NOL4: variants seen among roughly 807,000 people sequenced by gnomAD.
The protein encoded by NOL4 is nucleolar protein 4.
In NOL4, 17 loss-of-function variants were observed where a neutral mutation model predicts 75.9. The observed-to-expected ratio is 0.22, with a 90% CI of 0.15 to 0.34. NOL4 has a LOEUF of 0.34. Ranked by LOEUF, NOL4 falls within the 10% of genes least tolerant of loss-of-function variation. NOL4 has a pLI of 1.00. For synonymous variants in NOL4, 292 were observed against 289.9 expected (o/e 1.01, Z -0.07); for missense variants, 614 against 793.5 (o/e 0.77, Z 2.72).
intron 1 of NOL4, among the ~76,000 whole-genome samples, chr18:34,147,100 C>T (rs556965278): frequency 9.9e-5 from 15 of 151,798 alleles, no homozygotes; most frequent in African/African-American, 2.4e-4. Context: ...GTTGCTTATG[C>T]GCTTAAGGAG....
chr18:34,144,618 A>C (rs143695958), intron 1 of NOL4, among the ~76,000 whole-genome samples: 394 of 152,242 alleles, frequency 2.6e-3, no homozygotes, highest in Non-Finnish European at 4.4e-3. Context: ...ATATTAACAC[A>C]CTGAAATGAT....
At chr18:34,130,754 C>T (rs2080604286) in intron 1 of NOL4, among the ~76,000 whole-genome samples, 2 of 151,876 alleles carry the variant, frequency 1.3e-5, no homozygotes, top group South Asian at 2.1e-4. Context: ...CATAATGAAC[C>T]CTCAGTAAAT....
At chr18:34,180,916 T>C (rs2033982691) in intron 1 of NOL4, among the ~76,000 whole-genome samples, 3 of 151,352 alleles carry the variant, frequency 2.0e-5, no homozygotes, top group African/African-American at 7.3e-5. Context: ...ATTATTGAAA[T>C]AAATTAAGAT....
intron 1 of NOL4, among the ~76,000 whole-genome samples, chr18:34,152,141 CTTATT>C (rs564693744): frequency 4.0e-4 from 61 of 151,698 alleles, no homozygotes; most frequent in African/African-American, 1.4e-3. Context: ...GAAACATTAA[CTTATT>C]TTAATGTTAT....
chr18:34,025,212 TA>T (rs999738364), intron 5 of NOL4, among the ~76,000 whole-genome samples: 22 of 152,282 alleles, frequency 1.4e-4, no homozygotes, highest in African/African-American at 4.8e-4. Context: ...TCCCATTTTT[TA>T]AAAAGACTCA....
At chr18:34,050,075 A>C (rs1312397847) in intron 5 of NOL4, among the ~76,000 whole-genome samples, 2 of 152,144 alleles carry the variant, frequency 1.3e-5, no homozygotes, top group East Asian at 3.9e-4. Context: ...TCATAGTAAA[A>C]AATGCTGTTA....
intron 1 of NOL4, among the ~76,000 whole-genome samples, chr18:34,208,810 C>T (rs185847695): frequency 1.7e-3 from 254 of 151,896 alleles, no homozygotes; most frequent in African/African-American, 5.7e-3. Flanking sequence ...TGCAGTAAGC[C>T]GAGATTGCGC....
At chr18:33,869,235 A>G (rs1442383770) in intron 10 of NOL4, among the ~76,000 whole-genome samples, 2 of 152,010 alleles carry the variant, frequency 1.3e-5, no homozygotes, top group African/African-American at 4.8e-5. Flanking sequence ...AGGACAAAGT[A>G]CACATGAGAT....
chr18:33,971,893 C>A (rs770952384), intron 6 of NOL4, among the ~76,000 whole-genome samples: 1 of 152,100 alleles, frequency 6.6e-6, no homozygotes, highest in African/African-American at 2.4e-5. Context: ...AGGCTGATCA[C>A]AGTGGCTCAT....
intron 9 of NOL4, among the ~76,000 whole-genome samples, chr18:33,923,021 C>A (rs113270902): frequency 6.6e-6 from 1 of 152,114 alleles, no homozygotes; most frequent in East Asian, 1.9e-4. Flanking sequence ...CCATACTATT[C>A]ATACTGTATA....
chr18:33,999,929 G>A (rs936184227), intron 6 of NOL4, among the ~76,000 whole-genome samples: 4 of 152,074 alleles, frequency 2.6e-5, no homozygotes, highest in African/African-American at 7.2e-5. Flanking sequence ...TGGGATTACA[G>A]GTGTGAGCCA....
intron 1 of NOL4, among the ~76,000 whole-genome samples, chr18:34,200,328 G>A (rs527524008): frequency 2.0e-5 from 3 of 151,800 alleles, no homozygotes; most frequent in Admixed American, 1.3e-4. Context: ...AATTGTCTCA[G>A]TACCGGTGCC....
chr18:34,087,299 T>G (rs1159435454), intron 5 of NOL4, among the ~76,000 whole-genome samples: 1 of 152,112 alleles, frequency 6.6e-6, no homozygotes, highest in African/African-American at 2.4e-5. Context: ...TATCTGTTAA[T>G]GTACTTATTT....
At chr18:33,883,547 A>G in intron 9 of NOL4, 123 bp from the exon 10 acceptor site, 1 of 625,924 alleles carries the variant, frequency 1.6e-6, no homozygotes, top group South Asian at 4.9e-5. Context: ...GTGAATGTTA[A>G]GTAAGCACAG....
chr18:34,035,866 G>T (rs1555699383), intron 5 of NOL4, among the ~76,000 whole-genome samples: 1 of 151,920 alleles, frequency 6.6e-6, no homozygotes, highest in Non-Finnish European at 1.5e-5. Context: ...TAACAAACCA[G>T]AAACCTTATA....
intron 6 of NOL4, among the ~76,000 whole-genome samples, chr18:33,972,943 G>A (rs2071196078): frequency 6.6e-6 from 1 of 152,172 alleles, no homozygotes; most frequent in Admixed American, 6.5e-5. Context: ...GAAGCATAGG[G>A]TGGCTGTGAC....
chr18:33,953,936 C>T (rs2069447461), intron 8 of NOL4, among the ~76,000 whole-genome samples: 1 of 152,070 alleles, frequency 6.6e-6, no homozygotes, highest in South Asian at 2.1e-4. Context: ...ACAGAAACAA[C>T]AAGTTTCAAG....
intron 6 of NOL4, among the ~76,000 whole-genome samples, chr18:33,986,566 G>A (rs1164244410): frequency 6.6e-6 from 1 of 152,068 alleles, no homozygotes; most frequent in African/African-American, 2.4e-5. Context: ...CTGAAATTTT[G>A]CATTCAATAT....
intron 1 of NOL4, among the ~76,000 whole-genome samples, chr18:34,199,403 T>TA: frequency 6.6e-6 from 1 of 151,898 alleles, no homozygotes; most frequent in African/African-American, 2.4e-5. Flanking sequence ...AAAAATGATC[T>TA]AAAAATGCTT....
Sources: allele counts gnomAD v4.1 joint callset (sites outside exome capture counted in the v4.1 genomes callset), GRCh38; gene constraint gnomAD v4.1.1; transcripts MANE v1.5; gene names NCBI Gene and HGNC (gene_info 2026-07-23, HGNC 2026-07-21).